CCDC50: variants seen among roughly 807,000 people sequenced by gnomAD.
CCDC50 encodes coiled-coil domain containing 50.
CCDC50 carries 54 observed loss-of-function variants against 70.2 expected under a neutral mutation model. That is an observed-to-expected ratio of 0.77 (90% CI 0.62 to 0.96). The LOEUF (loss-of-function observed/expected upper bound fraction) is 0.96, where lower values mean the gene tolerates loss of function less well. Among genes scored for constraint, CCDC50 ranks in the 50% least tolerant of loss-of-function variants. CCDC50 has a pLI of 0.00. For synonymous variants in CCDC50, 216 were observed against 198.8 expected (o/e 1.09, Z -0.73); for missense variants, 558 against 578.7 (o/e 0.96, Z 0.37).
Position 191,391,944 on chromosome 3 carries a change from G to A in CCDC50, c.*184G>A, listed in dbSNP as rs1364853497. 1.4e-5 allele frequency: 9 copies of A among 631,196 alleles called. No individual in the cohort carries two copies. In the East Asian group the frequency reaches 2.3e-4, roughly 16 times the overall value. The allele number at this position is 631,196 out of a possible 1,614,324, so 39.1% of individuals were successfully genotyped here. On this transcript the variant is annotated 3_prime_UTR_variant, in exon 12 of 12. Coordinates refer to ENST00000392455, the MANE Select transcript of CCDC50 (RefSeq NM_178335.3). ...TGTTTTGGTTATTCATGATCACTTGGGCAGTATAAGAAAATGTAGCTTCTG... is the reference window on the plus strand; with the variant it reads ...TGTTTTGGTTATTCATGATCACTTGAGCAGTATAAGAAAATGTAGCTTCTG...
chr3:191,370,162 A>C (rs748407107), intron 5 of CCDC50, 126 bp downstream of exon 5: 8 of 725,042 alleles, frequency 1.1e-5, no homozygotes, highest in Non-Finnish European at 2.0e-5. Flanking sequence ...CACTGGGTAC[A>C]TTTAGATGTG....
At chr3:191,373,964 A>AT (rs1713001853) in intron 5 of CCDC50, among the ~76,000 whole-genome samples, 1 of 152,096 alleles carries the variant, frequency 6.6e-6, no homozygotes, top group Non-Finnish European at 1.5e-5. Flanking sequence ...ATAGTTTTTT[A>AT]TTTTCTTTAC....
In CCDC50 at chr3:191,395,683, G is replaced by GACTT. The variant is rs1157262301; in HGVS notation, c.*3924_*3927dup. 1 of 152,138 alleles carries GACTT rather than the reference G, an allele frequency of 6.6e-6. No homozygotes were observed. Among genetic ancestry groups the GACTT allele is most frequent in the East Asian group, 1.9e-4 (1 of 5,204 alleles). The allele number at this position is 152,138 out of a possible 1,614,324, so 9.4% of individuals were successfully genotyped here. A position where few individuals can be genotyped will look rare whatever the true frequency, so the allele number is the denominator to read the frequency against. On this transcript the variant is annotated 3_prime_UTR_variant, in exon 12 of 12. Coordinates refer to ENST00000392455, the MANE Select transcript of CCDC50 (RefSeq NM_178335.3). Reference sequence around the variant, plus strand: ...TATTTGTGTAAGGAGTGCTAAGGTAGACTTCATTGTACATAGAGTGCCATA... The same window carrying GACTT: ...TATTTGTGTAAGGAGTGCTAAGGTAGACTTACTTCATTGTACATAGAGTGCCATA...
intron 7 of CCDC50, 63 bp downstream of exon 7, chr3:191,380,337 C>G: frequency 1.0e-6 from 1 of 993,558 alleles, no homozygotes; most frequent in South Asian, 1.3e-5. Flanking sequence ...TGAATCTAGT[C>G]CATCTTGAAA....
chr3:191,393,474 C>T lies in CCDC50; in HGVS notation c.*1714C>T, dbSNP rs538447303. The stretch of plus-strand genomic sequence containing the variant: ...CAGGCAGCTATTTAGAACAGTTTCT[C>T]AGAGTGGATTTGGGTCTCTCATTTG... On this transcript the variant is annotated 3_prime_UTR_variant, in exon 12 of 12. Coordinates refer to ENST00000392455, the MANE Select transcript of CCDC50 (RefSeq NM_178335.3). 3 of 152,232 alleles carry T rather than the reference C, an allele frequency of 2.0e-5. No individual in the cohort carries two copies. In the South Asian group the frequency reaches 6.2e-4, roughly 32 times the overall value. The allele number at this position is 152,232 out of a possible 1,614,324, so 9.4% of individuals were successfully genotyped here. A position where few individuals can be genotyped will look rare whatever the true frequency, so the allele number is the denominator to read the frequency against.
Position 191,380,925 on chromosome 3 carries a change from A to T in CCDC50, c.1235A>T (p.Glu412Val), listed in dbSNP as rs900748864. Residue 412 changes from glutamate to valine, a missense_variant, in exon 9 of 12, where the codon GAG becomes GTG. Transcript: ENST00000392455. ...TTGGACAAAAGAAAGCAAGACCCCG[A>T]GTGGAAGGTAGAGTGTGTTTTGTTT... ...SSLDKRKQDP[E>V]WKPKTAKAAN... The T allele has an allele frequency of 2.6e-5, 42 of 1,611,304 alleles. No homozygotes were observed. Among genetic ancestry groups the T allele is most frequent in the Non-Finnish European group, 3.4e-5 (40 of 1,178,216 alleles).
At chr3:191,375,008 T>G (rs1713044658) in intron 5 of CCDC50, 54 bp from the exon 6 acceptor site, 1 of 1,570,976 alleles carries the variant, frequency 6.4e-7, no homozygotes, top group Non-Finnish European at 8.7e-7. Flanking sequence ...AGTTCATAAC[T>G]CTCATTAAAT....
chr3:191,358,159 A>T (rs1409414267), intron 3 of CCDC50, 35 bp downstream of exon 3: 15 of 1,613,106 alleles, frequency 9.3e-6, no homozygotes, highest in Admixed American at 1.7e-5. Context: ...GTGATGCAAG[A>T]CTGGTTTTCT....
chr3:191,330,750 C>T (rs906226859), intron 1 of CCDC50, among the ~76,000 whole-genome samples: 2 of 152,090 alleles, frequency 1.3e-5, no homozygotes, highest in African/African-American at 4.8e-5. Flanking sequence ...AATTTGACTC[C>T]GTTGGTCTTG....
chr3:191,381,290 C>T (rs769333611), intron 9 of CCDC50, among the ~76,000 whole-genome samples: 16 of 152,104 alleles, frequency 1.1e-4, no homozygotes, highest in African/African-American at 3.9e-4. Context: ...CTTCTCTTCC[C>T]GTCTCTACTT....
chr3:191,329,904 T>C (rs1469509804), intron 1 of CCDC50, among the ~76,000 whole-genome samples, 181 bp downstream of exon 1: 5 of 127,356 alleles, frequency 3.9e-5, no homozygotes, highest in Non-Finnish European at 6.4e-5. Flanking sequence ...TGGGCAAGTC[T>C]CCGACGTTCC....
At chr3:191,379,248 A>G (rs1713223235) in intron 6 of CCDC50, among the ~76,000 whole-genome samples, 1 of 152,004 alleles carries the variant, frequency 6.6e-6, no homozygotes, top group African/African-American at 2.4e-5. Flanking sequence ...GTTGGGGCAA[A>G]TATTTTTATA....
intron 10 of CCDC50, among the ~76,000 whole-genome samples, chr3:191,386,216 ATTTTTTTTTT>A (rs76983981): frequency 2.4e-5 from 3 of 125,736 alleles, no homozygotes; most frequent in Admixed American, 8.1e-5. Flanking sequence ...TAGTATGGGC[ATTTTTTTTTT>A]TTTTTTTTTT....
chr3:191,332,784 C>T (rs113125582), intron 1 of CCDC50, among the ~76,000 whole-genome samples: 1 of 152,200 alleles, frequency 6.6e-6, no homozygotes, highest in African/African-American at 2.4e-5. Context: ...TCAAGACTCC[C>T]TACTTCCTTT....
At chr3:191,346,612 G>A (rs1045957149) in intron 1 of CCDC50, among the ~76,000 whole-genome samples, 5 of 152,128 alleles carry the variant, frequency 3.3e-5, no homozygotes, top group African/African-American at 9.7e-5. Context: ...AATGTCAGTT[G>A]TTTCTACAAA....
At chr3:191,366,325 A>G (rs1430298977) in intron 4 of CCDC50, among the ~76,000 whole-genome samples, 1 of 152,106 alleles carries the variant, frequency 6.6e-6, no homozygotes, top group Non-Finnish European at 1.5e-5. Flanking sequence ...TCTCTAGTAT[A>G]CTAGAGATCC....
intron 1 of CCDC50, among the ~76,000 whole-genome samples, chr3:191,332,345 T>C (rs570842870): frequency 1.3e-5 from 2 of 152,346 alleles, no homozygotes; most frequent in Admixed American, 1.3e-4. Context: ...GTAAATCTCT[T>C]AAACTGGGAG....
At chr3:191,340,257 A>G (rs1034290590) in intron 1 of CCDC50, among the ~76,000 whole-genome samples, 1 of 152,238 alleles carries the variant, frequency 6.6e-6, no homozygotes, top group African/African-American at 2.4e-5. Flanking sequence ...TCTGACAGGT[A>G]TCTGTAATTA....
At chr3:191,388,291 G>A (rs1713565703) in intron 10 of CCDC50, among the ~76,000 whole-genome samples, 1 of 152,072 alleles carries the variant, frequency 6.6e-6, no homozygotes, top group African/African-American at 2.4e-5. Flanking sequence ...TGCTGCTCCT[G>A]ATAAAAATAC....
Sources: gnomAD v4.1 joint callset for allele counts (sites outside exome capture counted in the v4.1 genomes callset) on GRCh38, gnomAD v4.1.1 for gene constraint, MANE v1.5 for transcripts, NCBI Gene and HGNC (gene_info 2026-07-23, HGNC 2026-07-21) for gene names.